The following EPHA6 variants were observed in gnomAD, a reference collection of about 807,000 sequenced individuals.
The protein encoded by EPHA6 is EPH receptor A6, also known as ephrin type-A receptor 6.
In EPHA6, 50 loss-of-function variants were observed where a neutral mutation model predicts 112.0. The ratio of observed to expected loss-of-function variants is 0.45; its 90% CI spans 0.36 to 0.56. The LOEUF (loss-of-function observed/expected upper bound fraction) is 0.56, where lower values mean the gene tolerates loss of function less well. EPHA6 is among the 20% of genes least tolerant of loss of function. The pLI, the probability that EPHA6 is intolerant of heterozygous loss-of-function variation, is 0.00. For missense variants in EPHA6, 1,280 were observed against 1,417.4 expected (o/e 0.90, Z 1.56); for synonymous variants, 529 against 490.7 (o/e 1.08, Z -1.03).
intron 3 of EPHA6, among the ~76,000 whole-genome samples, chr3:97,064,605 G>A (rs1213745863): frequency 2.0e-5 from 3 of 152,194 alleles, no homozygotes; most frequent in South Asian, 2.1e-4. Context: ...ATGAATAACT[G>A]AACAAATCAT....
chr3:97,150,481 C>T (rs2076145748), intron 3 of EPHA6, among the ~76,000 whole-genome samples: 2 of 152,052 alleles, frequency 1.3e-5, no homozygotes, highest in African/African-American at 4.8e-5. Context: ...CTAGCTTTGA[C>T]CTGTTACAAA....
Position 97,055,670 on chromosome 3 carries a change from C to T in EPHA6, c.1114+67677C>T, listed in dbSNP as rs2045829365. Among the ~76,000 whole-genome samples, 2 of 152,136 alleles carry T rather than the reference C, an allele frequency of 1.3e-5. 1 individual carries two copies. The highest frequency in any genetic ancestry group is 4.1e-4 in the South Asian group (2 of 4,832). ...CAGGTATCTATTTCCTTATAAAACA[C>T]TTGCAAATGATTTTTCTAATAGCAA... is the stretch of plus-strand genomic sequence containing the variant. On this transcript the variant is annotated intron_variant, in intron 3 of 17. Transcript: ENST00000389672.
intron 1 of EPHA6, among the ~76,000 whole-genome samples, chr3:96,856,068 AT>A (rs2035678683): frequency 6.6e-6 from 1 of 151,968 alleles, no homozygotes; most frequent in African/African-American, 2.4e-5. Flanking sequence ...GGCAAACCCC[AT>A]CTCTAGAAAA....
intron 3 of EPHA6, among the ~76,000 whole-genome samples, chr3:97,079,296 C>G (rs537934241): frequency 6.6e-6 from 1 of 152,210 alleles, no homozygotes; most frequent in South Asian, 2.1e-4. Context: ...ATGTCTTTTT[C>G]AGGGACATGG....
rs111392245 is a variant in EPHA6, at chr3:97,645,784, T to C, written c.2784+7702T>C. 5.4e-3 allele frequency among the ~76,000 whole-genome samples: 819 copies of C among 152,328 alleles called. 8 individuals are homozygous for C. Among genetic ancestry groups the C allele is most frequent in the African/African-American group, 0.018 (766 of 41,570 alleles). ...TATAATTCAGTTTTTTTAAGTTGTATCTATATATAACTTTCTTTGAACGTA... is the reference window on the plus strand; with the variant it reads ...TATAATTCAGTTTTTTTAAGTTGTACCTATATATAACTTTCTTTGAACGTA... On this transcript the variant is annotated intron_variant, in intron 14 of 17. Transcript: ENST00000389672.
At chr3:96,835,057 C>T (rs1177038698) in intron 1 of EPHA6, among the ~76,000 whole-genome samples, 1 of 152,016 alleles carries the variant, frequency 6.6e-6, no homozygotes, top group Non-Finnish European at 1.5e-5. Flanking sequence ...ACTTCAAAAA[C>T]TGACATAATG....
At chr3:97,542,202 A>G (rs1560117209) in intron 11 of EPHA6, among the ~76,000 whole-genome samples, 1 of 151,726 alleles carries the variant, frequency 6.6e-6, no homozygotes, top group Non-Finnish European at 1.5e-5. Flanking sequence ...TTAACTCATC[A>G]TTTAGCATTA....
intron 2 of EPHA6, among the ~76,000 whole-genome samples, chr3:96,903,789 G>A (rs1471550808): frequency 6.6e-6 from 1 of 152,044 alleles, no homozygotes; most frequent in African/African-American, 2.4e-5. Flanking sequence ...ATCAAAAAGT[G>A]GGCAAAGGAA....
At chr3:97,058,295 T>TTTTG (rs2045913852) in intron 3 of EPHA6, among the ~76,000 whole-genome samples, 1 of 151,734 alleles carries the variant, frequency 6.6e-6, no homozygotes, top group African/African-American at 2.4e-5. Context: ...GAGTTTTTTT[T>TTTTG]TTGTTGTTGT....
At chr3:97,204,056 T>C (rs1205885882) in intron 3 of EPHA6, among the ~76,000 whole-genome samples, 1 of 152,152 alleles carries the variant, frequency 6.6e-6, no homozygotes, top group East Asian at 1.9e-4. Context: ...TTATGTGTTC[T>C]AAACAACTTT....
At chr3:96,878,070 T>A (rs1269699876) in intron 2 of EPHA6, among the ~76,000 whole-genome samples, 5 of 151,910 alleles carry the variant, frequency 3.3e-5, no homozygotes, top group Non-Finnish European at 7.4e-5. Context: ...TTAAATGCAA[T>A]GCTTTCTGGT....
At chr3:97,419,129 A>T (rs1480419891) in intron 6 of EPHA6, among the ~76,000 whole-genome samples, 1 of 151,694 alleles carries the variant, frequency 6.6e-6, no homozygotes, top group East Asian at 1.9e-4. Context: ...GTATGGAGAA[A>T]CCCCGTCTCT....
At chr3:97,364,741 G>T (rs1307719581) in intron 5 of EPHA6, among the ~76,000 whole-genome samples, 1 of 152,036 alleles carries the variant, frequency 6.6e-6, no homozygotes, top group African/African-American at 2.4e-5. Context: ...ATTTATTTTA[G>T]AATATGTTTG....
At chr3:96,874,535 G>T (rs1457342296) in intron 2 of EPHA6, among the ~76,000 whole-genome samples, 2 of 152,060 alleles carry the variant, frequency 1.3e-5, no homozygotes, top group East Asian at 3.9e-4. Context: ...TGAAATGATA[G>T]AGTACTTGTC....
chr3:97,094,574 G>T (rs1344334597), intron 3 of EPHA6, among the ~76,000 whole-genome samples: 1 of 152,082 alleles, frequency 6.6e-6, no homozygotes, highest in Non-Finnish European at 1.5e-5. Flanking sequence ...TTTATCTTGA[G>T]TTATTAACAT....
chr3:97,038,044 T>A lies in EPHA6; in HGVS notation c.1114+50051T>A, dbSNP rs187899950. Among the ~76,000 whole-genome samples the A allele has an allele frequency of 2.3e-3, 345 of 152,116 alleles. 8 individuals are homozygous for A. Among genetic ancestry groups the A allele is most frequent in the Admixed American group, 0.021 (317 of 15,238 alleles). ...TGCAATTTTTTATTGATACATAATG[T>A]ATATATTTTGAGAGTACATGAGATA... On this transcript the variant is annotated intron_variant, in intron 3 of 17. Coordinates refer to ENST00000389672, the MANE Select transcript of EPHA6 (RefSeq NM_001080448.3).
chr3:97,212,991 A>C (rs148157328), intron 3 of EPHA6, among the ~76,000 whole-genome samples: 114 of 152,224 alleles, frequency 7.5e-4, no homozygotes, highest in African/African-American at 2.6e-3. Flanking sequence ...TAAAAACCGG[A>C]CTGCTTGTCT....
intron 6 of EPHA6, among the ~76,000 whole-genome samples, chr3:97,431,398 G>T (rs1202061466): frequency 6.6e-6 from 1 of 152,078 alleles, no homozygotes; most frequent in Non-Finnish European, 1.5e-5. Flanking sequence ...TTTAAAGTTT[G>T]TCATGGTTGA....
chr3:96,910,536 C>T (rs62263681), intron 2 of EPHA6, among the ~76,000 whole-genome samples: 24,307 of 152,066 alleles, frequency 0.16, 2,521 homozygotes, highest in Middle Eastern at 0.26. Flanking sequence ...GCCCAGCTTA[C>T]CTCTCTAACC....
Sources: gnomAD v4.1 joint callset for allele counts (sites outside exome capture counted in the v4.1 genomes callset) on GRCh38, gnomAD v4.1.1 for gene constraint, MANE v1.5 for transcripts, NCBI Gene and HGNC (gene_info 2026-07-23, HGNC 2026-07-21) for gene names.